RGS22: variants seen among roughly 807,000 people sequenced by gnomAD.
The protein encoded by RGS22 is regulator of G-protein signaling 22.
A neutral mutation model predicts 172.9 loss-of-function variants in RGS22; 148 were observed. The ratio of observed to expected loss-of-function variants is 0.86; its 90% CI spans 0.75 to 0.98. The LOEUF (loss-of-function observed/expected upper bound fraction) is 0.98. RGS22 is among the 50% of genes least tolerant of loss of function. RGS22 has a pLI of 0.00. For missense variants in RGS22, 1,347 were observed against 1,440.8 expected (o/e 0.93, Z 1.05); for synonymous variants, 458 against 480.2 (o/e 0.95, Z 0.60).
chr8:100,051,506 TATATAA>T (rs1309993199), intron 10 of RGS22, among the ~76,000 whole-genome samples: 9 of 61,820 alleles, frequency 1.5e-4, no homozygotes, highest in Admixed American at 2.9e-4. Flanking sequence ...ATAATAAATA[TATATAA>T]ATATATTTTT....
intron 23 of RGS22, among the ~76,000 whole-genome samples, chr8:99,975,396 T>G (rs1033179082): frequency 2.0e-5 from 3 of 152,182 alleles, no homozygotes; most frequent in Non-Finnish European, 4.4e-5. Flanking sequence ...AGTTCACTCT[T>G]GCTTTAATAA....
At chr8:100,012,193 C>T (rs778632516) in intron 14 of RGS22, among the ~76,000 whole-genome samples, 9 of 151,874 alleles carry the variant, frequency 5.9e-5, no homozygotes, top group South Asian at 2.1e-4. Context: ...GTCCATGACA[C>T]GCAGGAAAGC....
chr8:99,966,591 A>T (rs1810758335), intron 23 of RGS22, among the ~76,000 whole-genome samples: 1 of 152,216 alleles, frequency 6.6e-6, no homozygotes, highest in African/African-American at 2.4e-5. Flanking sequence ...ATGAGTAAAG[A>T]AGAGACACAA....
intron 20 of RGS22, among the ~76,000 whole-genome samples, chr8:99,992,326 T>G (rs971538921): frequency 3.9e-5 from 6 of 152,150 alleles, no homozygotes; most frequent in Admixed American, 2.6e-4. Context: ...ACTGGCAAAT[T>G]GGATAAAGAG....
intron 2 of RGS22, among the ~76,000 whole-genome samples, chr8:100,099,337 A>T (rs749395548): frequency 1.4e-4 from 22 of 152,078 alleles, no homozygotes; most frequent in Admixed American, 2.0e-4. Context: ...GATACTTACA[A>T]CTCAATAAAC....
intron 14 of RGS22, among the ~76,000 whole-genome samples, chr8:100,022,351 A>T (rs1227320780): frequency 6.6e-6 from 1 of 152,226 alleles, no homozygotes; most frequent in Non-Finnish European, 1.5e-5. Flanking sequence ...AGGATAAAAC[A>T]GTAAAACAAT....
intron 23 of RGS22, among the ~76,000 whole-genome samples, chr8:99,976,206 A>T (rs541050926): frequency 7.2e-5 from 11 of 152,278 alleles, no homozygotes; most frequent in African/African-American, 2.6e-4. Flanking sequence ...TAAAATAAAA[A>T]AAATAAAAAT....
chr8:99,977,901 A>G lies in RGS22; in HGVS notation c.3519+16T>C. ...TTTTAAAAGTCTGATAAAACCCAAA[A>G]TGAGTCTTGTCTCACCTTTCCAGAT... On this transcript the variant is annotated intron_variant, in intron 23 of 27. Transcript: ENST00000360863. The G allele has an allele frequency of 6.5e-7, 1 of 1,546,054 alleles. No homozygotes were observed. The highest frequency in any genetic ancestry group is 8.6e-7 in the Non-Finnish European group (1 of 1,157,360).
At chr8:100,053,011 AAAC>A in intron 9 of RGS22, 35 bp from the exon 10 acceptor site, 1 of 1,582,698 alleles carries the variant, frequency 6.3e-7, no homozygotes, top group Non-Finnish European at 8.7e-7. Flanking sequence ...AGATTGAACT[AAAC>A]AACAAGCCTC....
intron 14 of RGS22, among the ~76,000 whole-genome samples, chr8:100,017,121 T>G (rs1329129190): frequency 1.3e-5 from 2 of 149,758 alleles, no homozygotes; most frequent in African/African-American, 2.4e-5. Context: ...TCAACTTTCA[T>G]CACCATGCTC....
At chr8:100,098,882 TTTTATTTTATTTTATTTTATTTTA>T (rs1813227711) in intron 2 of RGS22, among the ~76,000 whole-genome samples, 2 of 52,472 alleles carry the variant, frequency 3.8e-5, no homozygotes, top group African/African-American at 2.0e-4. Flanking sequence ...TTTTATTTTA[TTTTATTTTATTTTATTTTATTTTA>T]TTTTATTTTA....
At chr8:99,992,490 T>C (rs7014563) in intron 20 of RGS22, among the ~76,000 whole-genome samples, 45,924 of 152,110 alleles carry the variant, frequency 0.3, 8,545 homozygotes, top group Non-Finnish European at 0.42. Context: ...AAACAGACTT[T>C]AAACCAACAA....
chr8:100,008,536 T>C lies in RGS22; in HGVS notation c.2200A>G (p.Thr734Ala). ...TCCTGTTGGAGTCCAATGTCAAGAG[T>C]GGCAGAAGGAGCAACGTATGTGGCA... ...LFATYVAPSA[T>A]LDIGLQQEKK... is the part of the protein sequence containing the mutation. The change falls in exon 15 of 28, where the codon ACT becomes GCT. Residue 734 changes from threonine to alanine, a missense_variant. Physicochemically the swap from Thr to Ala is moderately conservative, Grantham distance 58. Coordinates refer to ENST00000360863, the MANE Select transcript of RGS22 (RefSeq NM_015668.5). 6.2e-7 allele frequency: 1 copy of C among 1,610,822 alleles called. No individual in the cohort carries two copies. The highest frequency in any genetic ancestry group is 8.5e-7 in the Non-Finnish European group (1 of 1,179,332).
intron 11 of RGS22, among the ~76,000 whole-genome samples, chr8:100,045,996 G>C (rs1235108071): frequency 6.6e-6 from 1 of 151,906 alleles, no homozygotes; most frequent in Non-Finnish European, 1.5e-5. Context: ...AGCAGACATA[G>C]GAGGAGGCAA....
intron 4 of RGS22, among the ~76,000 whole-genome samples, chr8:100,075,524 A>C (rs1016221939): frequency 3.3e-5 from 5 of 152,198 alleles, no homozygotes; most frequent in African/African-American, 1.2e-4. Flanking sequence ...CCTGGTTTTG[A>C]GTATTCCTTT....
chr8:100,039,892 A>T, intron 13 of RGS22, 70 bp downstream of exon 13: 1 of 941,648 alleles, frequency 1.1e-6, no homozygotes, highest in Non-Finnish European at 1.5e-6. Context: ...GTGAGCACTT[A>T]ATTATTTTGA....
At chr8:100,102,919 T>C (rs1277395040) in intron 2 of RGS22, among the ~76,000 whole-genome samples, 3 of 152,232 alleles carry the variant, frequency 2.0e-5, no homozygotes, top group East Asian at 3.8e-4. Context: ...AGTTATGAGA[T>C]ATGTGGCCTC....
chr8:100,009,902 T>C (rs55846947), intron 14 of RGS22, among the ~76,000 whole-genome samples: 6,072 of 152,290 alleles, frequency 0.04, 424 homozygotes, highest in African/African-American at 0.14. Context: ...TCAATGCCTA[T>C]TCTGAAGAAG....
intron 18 of RGS22, among the ~76,000 whole-genome samples, chr8:100,001,837 A>G (rs1431000474): frequency 6.6e-6 from 1 of 152,202 alleles, no homozygotes; most frequent in Non-Finnish European, 1.5e-5. Flanking sequence ...CTGTTTTCCT[A>G]CATGTTGACA....
Sources: gnomAD v4.1 joint callset for allele counts (sites outside exome capture counted in the v4.1 genomes callset) on GRCh38, gnomAD v4.1.1 for gene constraint, MANE v1.5 for transcripts, NCBI Gene and HGNC (gene_info 2026-07-23, HGNC 2026-07-21) for gene names.